Variants in TENM2 observed in about 807,000 individuals in gnomAD.
TENM2 encodes teneurin transmembrane protein 2.
A neutral mutation model predicts 245.2 loss-of-function variants in TENM2; 52 were observed. The observed-to-expected ratio is 0.21, with a 90% CI of 0.17 to 0.27. The LOEUF (loss-of-function observed/expected upper bound fraction) is 0.27. Among genes scored for constraint, TENM2 ranks in the 10% least tolerant of loss-of-function variants. TENM2 has a pLI of 1.00. For synonymous variants in TENM2, 1,363 were observed against 1,438.9 expected (o/e 0.95, Z 1.19); for missense variants, 3,046 against 3,666.8 (o/e 0.83, Z 4.37).
At chr5:167,301,075 T>C (rs921845075) in intron 1 of TENM2, among the ~76,000 whole-genome samples, 2 of 152,070 alleles carry the variant, frequency 1.3e-5, no homozygotes, top group South Asian at 2.1e-4. Flanking sequence ...CGGACTTACT[T>C]TCCACTGTGA....
At chr5:167,535,314 G>A (rs1319926362) in intron 2 of TENM2, among the ~76,000 whole-genome samples, 1 of 151,894 alleles carries the variant, frequency 6.6e-6, no homozygotes, top group African/African-American at 2.4e-5. Flanking sequence ...AGGGTTGAGG[G>A]AAATGGGACC....
At chr5:168,078,648 G>A (rs1791697225) in intron 7 of TENM2, among the ~76,000 whole-genome samples, 2 of 152,078 alleles carry the variant, frequency 1.3e-5, no homozygotes, top group Admixed American at 6.6e-5. Context: ...TTCTACTTAT[G>A]GCTAGCCAGT....
intron 2 of TENM2, among the ~76,000 whole-genome samples, chr5:167,383,872 G>T (rs1233742358): frequency 4.0e-5 from 6 of 151,854 alleles, no homozygotes; most frequent in Non-Finnish European, 5.9e-5. Context: ...CACACACATA[G>T]CATATATGAA....
the TENM2 span, among the ~76,000 whole-genome samples, chr5:167,145,626 T>G: frequency 6.6e-6 from 1 of 152,200 alleles, no homozygotes; most frequent in Non-Finnish European, 1.5e-5. Flanking sequence ...TCTCATATTA[T>G]TAATGTTATT....
the TENM2 span, among the ~76,000 whole-genome samples, chr5:167,207,474 G>T: frequency 6.6e-6 from 1 of 152,132 alleles, no homozygotes; most frequent in African/African-American, 2.4e-5. Context: ...TATTGGCAAG[G>T]AATTCATTTT....
At chr5:168,150,093 A>G (rs899419559) in intron 12 of TENM2, among the ~76,000 whole-genome samples, 3 of 152,162 alleles carry the variant, frequency 2.0e-5, no homozygotes, top group African/African-American at 7.2e-5. Context: ...CATCTGACAT[A>G]CCATATTAAT....
intron 13 of TENM2, among the ~76,000 whole-genome samples, chr5:168,176,242 CCT>C (rs1384999135): frequency 2.0e-5 from 3 of 152,170 alleles, no homozygotes; most frequent in Non-Finnish European, 1.5e-5. Context: ...CTTGCCAGGG[CCT>C]CTCATCTCCC....
chr5:167,357,112 A>C (rs191351155), intron 1 of TENM2, among the ~76,000 whole-genome samples: 111 of 152,256 alleles, frequency 7.3e-4, no homozygotes, highest in African/African-American at 2.5e-3. Flanking sequence ...ATTTTGAGGA[A>C]AAAGGCCTTG....
At chr5:168,033,984 C>T (rs899174508) in intron 5 of TENM2, among the ~76,000 whole-genome samples, 1 of 150,492 alleles carries the variant, frequency 6.6e-6, no homozygotes, top group Non-Finnish European at 1.5e-5. Context: ...CCAAGATCGC[C>T]CCACTGCACT....
chr5:168,209,249 G>A (rs898624793), intron 19 of TENM2, among the ~76,000 whole-genome samples: 1 of 152,168 alleles, frequency 6.6e-6, no homozygotes, highest in Non-Finnish European at 1.5e-5. Context: ...TAATATCTCT[G>A]GGCATTTCAG....
rs555400600 is a variant in TENM2, at chr5:168,165,270, G to A, written c.2569+2513G>A. On this transcript the variant is annotated intron_variant, in intron 13 of 28. Coordinates refer to ENST00000518659, the Ensembl canonical transcript of TENM2. ...ATGCATTTTTTTTCAAGTCAGAATCGCACGACTTTTGCTGGTAAGGTTCAC... is the reference window on the plus strand; with the variant it reads ...ATGCATTTTTTTTCAAGTCAGAATCACACGACTTTTGCTGGTAAGGTTCAC... 9.2e-5 allele frequency: 14 copies of A among 152,138 alleles called. No individual in the cohort carries two copies. The South Asian group carries it at 2.7e-3, about 29-fold the overall frequency. The allele number at this position is 152,138 out of a possible 1,614,324, so 9.4% of individuals were successfully genotyped here. A position where few individuals can be genotyped will look rare whatever the true frequency, so the allele number is the denominator to read the frequency against.
chr5:167,340,009 C>G (rs1010860796), intron 1 of TENM2, among the ~76,000 whole-genome samples: 2 of 152,198 alleles, frequency 1.3e-5, no homozygotes, highest in African/African-American at 4.8e-5. Context: ...CAGCACAAAA[C>G]ACACTAAGAC....
the TENM2 span, among the ~76,000 whole-genome samples, chr5:167,209,869 A>T: frequency 0.14 from 20,567 of 152,142 alleles, 1,571 homozygotes; most frequent in South Asian, 0.2. Context: ...CTCTTCCCTT[A>T]TTCAACTATA....
chr5:167,518,287 A>T (rs138110649), intron 2 of TENM2, among the ~76,000 whole-genome samples: 9 of 152,262 alleles, frequency 5.9e-5, no homozygotes, highest in Non-Finnish European at 1.3e-4. Context: ...CAATAAAGCT[A>T]ACTTCCCAAA....
chr5:167,019,288 G>T, the TENM2 span, among the ~76,000 whole-genome samples: 1 of 152,084 alleles, frequency 6.6e-6, no homozygotes, highest in Non-Finnish European at 1.5e-5. Context: ...ACTGGTACAC[G>T]AAAGGTCAAA....
chr5:167,358,226 T>C (rs1436873631), intron 1 of TENM2, among the ~76,000 whole-genome samples: 1 of 152,170 alleles, frequency 6.6e-6, no homozygotes, highest in Non-Finnish European at 1.5e-5. Flanking sequence ...TCCCCCATTT[T>C]CTCATAAACA....
rs548713068 is a variant in TENM2, at chr5:167,535,636, C to A, written c.502+160163C>A. Among the ~76,000 whole-genome samples the A allele has an allele frequency of 7.9e-5, 12 of 152,250 alleles. No homozygotes were observed. In the South Asian group the frequency reaches 2.3e-3, roughly 29 times the overall value. ...GGGAAACTAGCTTTGGCCCTTTGGC[C>A]CTTCCACATTCTGCCATGTAAAGAC... On this transcript the variant is annotated intron_variant, in intron 2 of 28. Transcript: ENST00000518659.
chr5:167,637,631 T>C (rs1254418724), intron 2 of TENM2, among the ~76,000 whole-genome samples: 2 of 152,182 alleles, frequency 1.3e-5, no homozygotes, highest in African/African-American at 2.4e-5. Flanking sequence ...CATGGAATAC[T>C]ATGCAGCCAT....
chr5:167,476,722 C>T (rs1435043753), intron 2 of TENM2, among the ~76,000 whole-genome samples: 2 of 152,246 alleles, frequency 1.3e-5, no homozygotes, highest in Non-Finnish European at 2.9e-5. Context: ...CCTCAGCCTC[C>T]CAAGTAGCTG....
Sources: gnomAD v4.1 joint callset for allele counts (sites outside exome capture counted in the v4.1 genomes callset) on GRCh38, gnomAD v4.1.1 for gene constraint, MANE v1.5 for transcripts, NCBI Gene and HGNC (gene_info 2026-07-23, HGNC 2026-07-21) for gene names.